The following BCAM variants were observed in gnomAD, a reference collection of about 807,000 sequenced individuals.
BCAM encodes basal cell adhesion molecule.
In BCAM, 61 loss-of-function variants were observed where a neutral mutation model predicts 72.4. The ratio of observed to expected loss-of-function variants is 0.84; its 90% CI spans 0.69 to 1.04. The LOEUF is 1.04. BCAM is among the 50% of genes least tolerant of loss of function. The pLI, the probability that BCAM is intolerant of heterozygous loss-of-function variation, is 0.00. For synonymous variants in BCAM, 408 were observed against 384.2 expected, an observed-to-expected ratio of 1.06 and a Z score of -0.73; for missense variants, 909 against 895.0, an observed-to-expected ratio of 1.02 and a Z score of -0.20.
Position 44,813,396 on chromosome 19 carries a change from G to A in BCAM, c.602-42G>A. On this transcript the variant is annotated intron_variant, in intron 5 of 14. Coordinates refer to ENST00000270233, the MANE Select transcript of BCAM (RefSeq NM_005581.5). The surrounding 1 kb of genome is among the most constrained non-coding windows in gnomAD (Gnocchi z 4.2). Reference sequence around the variant, plus strand: ...GACGTGGGCTGGGGTGGGTGGCGGGGCTATGGCCTGGCTGACTGCCACCTC... The same window carrying A: ...GACGTGGGCTGGGGTGGGTGGCGGGACTATGGCCTGGCTGACTGCCACCTC... 6.2e-7 allele frequency: 1 copy of A among 1,608,490 alleles called. No homozygotes were observed. The highest frequency in any genetic ancestry group is 8.5e-7 in the Non-Finnish European group (1 of 1,177,138).
In BCAM at chr19:44,809,190, G is replaced by A. The variant is rs1168161552; in HGVS notation, c.66G>A (p.Leu22=). The change falls in exon 1 of 15, where the codon CTG becomes CTA. Residue 22 remains leucine (L), a synonymous_variant. Coordinates refer to ENST00000270233, the MANE Select transcript of BCAM (RefSeq NM_005581.5). ...CGCGGCTGCTGTTGCTCGCAGTCCT[G>A]CTGGCGGCGCACCCAGGTATGGCTC... ...GAPRLLLLAV[L]LAAHPDAQAE... The A allele has an allele frequency of 1.4e-6, 2 of 1,476,516 alleles. No homozygotes were observed. Among genetic ancestry groups the A allele is most frequent in the Non-Finnish European group, 1.8e-6 (2 of 1,115,620 alleles). 91.5% of individuals were successfully genotyped at this position (1,476,516 alleles called of 1,614,324 possible). A position where few individuals can be genotyped will look rare whatever the true frequency, so the allele number is the denominator to read the frequency against.
At chr19:44,819,909 A>G (rs1599890202) in intron 13 of BCAM, 183 bp downstream of exon 13, 1 of 1,346,164 alleles carries the variant, frequency 7.4e-7, no homozygotes, top group East Asian at 2.7e-5. Flanking sequence ...AGACTAATCC[A>G]CAGCCATCCC....
Position 44,814,880 on chromosome 19 carries a change from T to A in BCAM, c.1078+120T>A. 5.9e-6 allele frequency: 6 copies of A among 1,014,766 alleles called. No individual in the cohort carries two copies. Among genetic ancestry groups the A allele is most frequent in the Non-Finnish European group, 7.8e-6 (6 of 769,536 alleles). The allele number at this position is 1,014,766 out of a possible 1,614,324, so 62.9% of individuals were successfully genotyped here. Reference sequence around the variant, plus strand: ...CAAACACTCTGCCTTCAACCCTTTCTCTGCATTTCTTGGGGGTTTTTTTGG... The same window carrying A: ...CAAACACTCTGCCTTCAACCCTTTCACTGCATTTCTTGGGGGTTTTTTTGG... On this transcript the variant is annotated intron_variant, in intron 8 of 14. Coordinates refer to ENST00000270233, the MANE Select transcript of BCAM (RefSeq NM_005581.5). The surrounding 1 kb of genome is among the most constrained non-coding windows in gnomAD (Gnocchi z 4.6).
At position 44,818,249 on chromosome 19, in the gene BCAM, A is replaced by G. The variant is rs1484898511; in HGVS notation, c.1079-273A>G. Among the ~76,000 whole-genome samples, 1 of 152,186 alleles carries G rather than the reference A, an allele frequency of 6.6e-6. No individual in the cohort carries two copies. The highest frequency in any genetic ancestry group is 1.9e-4 in the East Asian group (1 of 5,182). The stretch of plus-strand genomic sequence containing the variant: ...CACAGAAGGGACACCTTCCACACCT[A>G]AGGTTATTCATTAACCTTGGGCTCA... On this transcript the variant is annotated intron_variant, in intron 8 of 14. Coordinates refer to ENST00000270233, the MANE Select transcript of BCAM (RefSeq NM_005581.5). This position sits in a 1 kb window ranked among gnomAD's most constrained non-coding sequence, Gnocchi z 4.6.
rs771656850 is a variant in BCAM, at chr19:44,813,330, C to T, written c.585C>T (p.Pro195=). The part of the protein sequence containing the change: ...WYRNGQRLEV[P]VEMNPEGYMT... ...GCAACGGGCAGCGCCTGGAGGTGCC[C>T]GTAGAGATGAACCCAGGTGAGCAGC... The change falls in exon 5 of 15, where the codon CCC becomes CCT. Residue 195 remains proline (P), a synonymous_variant. Coordinates refer to ENST00000270233, the MANE Select transcript of BCAM (RefSeq NM_005581.5). This position sits in a 1 kb window ranked among gnomAD's most constrained non-coding sequence, Gnocchi z 4.2. 4.3e-6 allele frequency: 7 copies of T among 1,613,930 alleles called. No homozygotes were observed. Among genetic ancestry groups the T allele is most frequent in the African/African-American group, 1.3e-5 (1 of 75,050 alleles).
Position 44,813,594 on chromosome 19 carries a change from G to C in BCAM, c.758G>C (p.Ser253Thr). ...LPEGRHGRLD[S>T]PTFHLTLHYP... ...GAGGGCCGCCACGGCCGCCTGGACA[G>C]CCCCACCTTCCACCTCACCCTGCAC... The change falls in exon 6 of 15, where the codon AGC becomes ACC. Residue 253 changes from serine (S) to threonine (T), a missense_variant. Coordinates refer to ENST00000270233, the MANE Select transcript of BCAM (RefSeq NM_005581.5). The surrounding 1 kb of genome is among the most constrained non-coding windows in gnomAD (Gnocchi z 4.2). 1 of 1,612,450 alleles carries C rather than the reference G, an allele frequency of 6.2e-7. No individual in the cohort carries two copies. Among genetic ancestry groups the C allele is most frequent in the Non-Finnish European group, 8.5e-7 (1 of 1,179,850 alleles).
At position 44,813,010 on chromosome 19, in the gene BCAM, T is replaced by C; in HGVS notation, c.505-240T>C. 1 of 521,886 alleles carries C rather than the reference T, an allele frequency of 1.9e-6. No individual in the cohort carries two copies. The highest frequency in any genetic ancestry group is 3.3e-5 in the East Asian group (1 of 30,150). The allele number at this position is 521,886 out of a possible 1,614,324, so 32.3% of individuals were successfully genotyped here. On this transcript the variant is annotated intron_variant, in intron 4 of 14. Coordinates refer to ENST00000270233, the MANE Select transcript of BCAM (RefSeq NM_005581.5). The surrounding 1 kb of genome is among the most constrained non-coding windows in gnomAD (Gnocchi z 4.2). ...GAAAGGAAGGGCAGAGGGGGAAGACTCCTGTGTCCTAGGAAGGAGAGAGCT... is the reference window on the plus strand; with the variant it reads ...GAAAGGAAGGGCAGAGGGGGAAGACCCCTGTGTCCTAGGAAGGAGAGAGCT...
At chr19:44,810,642 A>G (rs1259177497) in intron 1 of BCAM, among the ~76,000 whole-genome samples, 1 of 152,220 alleles carries the variant, frequency 6.6e-6, no homozygotes, top group African/African-American at 2.4e-5. Context: ...AGAAACATTT[A>G]TCCATCATCA....
At chr19:44,810,583 T>C (rs1331724808) in intron 1 of BCAM, among the ~76,000 whole-genome samples, 2 of 151,970 alleles carry the variant, frequency 1.3e-5, no homozygotes, top group South Asian at 2.1e-4. Context: ...GGGACAGAGA[T>C]GGAGACCCAA....
chr19:44,814,292 AC>A lies in BCAM; in HGVS notation c.921+7del. On this transcript the variant is annotated splice_donor_5th_base_variant and intron_variant, in intron 7 of 14. Transcript: ENST00000270233. This position sits in a 1 kb window ranked among gnomAD's most constrained non-coding sequence, Gnocchi z 4.6. The stretch of plus-strand genomic sequence containing the variant: ...GTATACGCTTTTCCGCCTTCAGGTG[AC>A]CCACCCAAGGGTCCCTCTGGGATCC... 6.3e-7 allele frequency: 1 copy of A among 1,592,312 alleles called. No homozygotes were observed.
rs547538508 is a variant in BCAM, at chr19:44,818,701, G to A, written c.1195-40G>A. 3.9e-5 allele frequency: 63 copies of A among 1,612,502 alleles called. No homozygotes were observed. Among genetic ancestry groups the A allele is most frequent in the African/African-American group, 1.2e-4 (9 of 74,946 alleles). On this transcript the variant is annotated intron_variant, in intron 9 of 14. Transcript: ENST00000270233. The surrounding 1 kb of genome is among the most constrained non-coding windows in gnomAD (Gnocchi z 4.6). ...ACCCTCCTCTCTCCCCTCACTCCTC[G>A]CCCTCTCACAGCGTCCTCCTCCTCC...
Position 44,809,212 on chromosome 19 carries a change from G to C in BCAM, c.82+6G>C, listed in dbSNP as rs1352415610. The C allele has an allele frequency of 6.9e-7, 1 of 1,458,480 alleles. No individual in the cohort carries two copies. The highest frequency in any genetic ancestry group is 9.0e-7 in the Non-Finnish European group (1 of 1,106,258). The allele number at this position is 1,458,480 out of a possible 1,614,324, so 90.3% of individuals were successfully genotyped here. ...CCTGCTGGCGGCGCACCCAGGTATG[G>C]CTCGGGCTGAGGGCAAGGTGGGACT... is the stretch of plus-strand genomic sequence containing the variant. On this transcript the variant is annotated splice_donor_region_variant and intron_variant, in intron 1 of 14. Coordinates refer to ENST00000270233, the MANE Select transcript of BCAM (RefSeq NM_005581.5).
chr19:44,812,450 G>T lies in BCAM; in HGVS notation c.434-28G>T, dbSNP rs780338874. 5 of 1,614,092 alleles carry T rather than the reference G, an allele frequency of 3.1e-6. No homozygotes were observed. In the East Asian group the frequency reaches 8.9e-5, roughly 29 times the overall value. ...AGGCAGGGAGGGGCGCAGGGCAGGG[G>T]CTCCTGACGTGAACGTCTTTTTCAC... On this transcript the variant is annotated intron_variant, in intron 3 of 14. Coordinates refer to ENST00000270233, the MANE Select transcript of BCAM (RefSeq NM_005581.5). This position sits in a 1 kb window ranked among gnomAD's most constrained non-coding sequence, Gnocchi z 5.3.
chr19:44,819,591 A>C lies in BCAM; in HGVS notation c.1628A>C (p.Gln543Pro). The change falls in exon 13 of 15, where the codon CAG (glutamine) becomes CCG (proline). Residue 543 changes from glutamine (Q) to proline (P), a missense_variant. Physicochemically the swap from Gln to Pro is moderately conservative, Grantham distance 76. Coordinates refer to ENST00000270233, the MANE Select transcript of BCAM (RefSeq NM_005581.5). The part of the protein sequence containing the change: ...HVFHFGTVSP[Q>P]TSQAGVAVMA... ...CATCCTGTCCCTGCAGTGAGCCCCC[A>C]GACCTCCCAGGCTGGAGTGGCCGTC... 6.2e-7 allele frequency: 1 copy of C among 1,613,134 alleles called. No homozygotes were observed. Among genetic ancestry groups the C allele is most frequent in the Non-Finnish European group, 8.5e-7 (1 of 1,179,490 alleles).
Position 44,813,410 on chromosome 19 carries a change from G to T in BCAM, c.602-28G>T, listed in dbSNP as rs1224738974. ...TGGGTGGCGGGGCTATGGCCTGGCTGACTGCCACCTCCCCCGATCTCTCCC... is the reference window on the plus strand; with the variant it reads ...TGGGTGGCGGGGCTATGGCCTGGCTTACTGCCACCTCCCCCGATCTCTCCC... On this transcript the variant is annotated intron_variant, in intron 5 of 14. Coordinates refer to ENST00000270233, the MANE Select transcript of BCAM (RefSeq NM_005581.5). This position sits in a 1 kb window ranked among gnomAD's most constrained non-coding sequence, Gnocchi z 4.2. The T allele has an allele frequency of 1.2e-6, 2 of 1,607,718 alleles. No individual in the cohort carries two copies. Among genetic ancestry groups the T allele is most frequent in the African/African-American group, 1.3e-5 (1 of 74,838 alleles).
chr19:44,815,924 AT>A (rs1968498283), intron 8 of BCAM, among the ~76,000 whole-genome samples: 1 of 152,060 alleles, frequency 6.6e-6, no homozygotes, highest in Non-Finnish European at 1.5e-5. Context: ...AGGTGGGAGG[AT>A]CCCTTGAGTC....
rs144950599 is a variant in BCAM at position 44,817,348 on chromosome 19, A to G, written c.1079-1174A>G. 2.0e-5 allele frequency among the ~76,000 whole-genome samples: 3 copies of G among 152,266 alleles called. No individual in the cohort carries two copies. In the East Asian group the frequency reaches 5.8e-4, roughly 29 times the overall value. On this transcript the variant is annotated intron_variant, in intron 8 of 14. Transcript: ENST00000270233. The stretch of plus-strand genomic sequence containing the variant: ...CCCCAACTTGGTCTACTCAAGAAAA[A>G]CAGCAAGAGAACGGGGTAGCTGGGA...
Position 44,819,678 on chromosome 19 carries a change from G to A in BCAM, c.1715G>A (p.Arg572Lys). The change falls in exon 13 of 15, where the codon AGA becomes AAA. Residue 572 changes from arginine (R) to lysine (K), a missense_variant. Coordinates refer to ENST00000270233, the MANE Select transcript of BCAM (RefSeq NM_005581.5). ...GTCGTTGCTGTCTTCTACTGCGTGA[G>A]ACGCAAAGGGGGCCCCTGCTGCCGC... ...LLVVAVFYCVRRKGGPCCRQR... is the reference protein window; with the variant it reads ...LLVVAVFYCVKRKGGPCCRQR... The A allele has an allele frequency of 6.2e-7, 1 of 1,612,858 alleles. No homozygotes were observed. Among genetic ancestry groups the A allele is most frequent in the South Asian group, 1.1e-5 (1 of 91,042 alleles).
intron 8 of BCAM, among the ~76,000 whole-genome samples, chr19:44,816,192 C>T (rs1371785418): frequency 1.1e-4 from 16 of 152,044 alleles, no homozygotes; most frequent in African/African-American, 3.9e-4. Flanking sequence ...CACCTGTAAT[C>T]CCAGCCACTC....
Sources: gnomAD v4.1 joint callset for allele counts (sites outside exome capture counted in the v4.1 genomes callset) on GRCh38, gnomAD v4.1.1 for gene constraint, Gnocchi (gnomAD v3.1) non-coding constraint, MANE v1.5 for transcripts, NCBI Gene and HGNC (gene_info 2026-07-23, HGNC 2026-07-21) for gene names.